The following SPAST variants were observed in gnomAD, a reference collection of about 807,000 sequenced individuals.
SPAST encodes spastic paraplegia 4 (autosomal dominant; spastin).
In SPAST, 30 loss-of-function variants were observed where a neutral mutation model predicts 76.6. That is an observed-to-expected ratio of 0.39 (90% confidence interval 0.29 to 0.53). The LOEUF is 0.53. Among genes scored for constraint, SPAST ranks in the 20% least tolerant of loss-of-function variants. The probability of loss-of-function intolerance (pLI) is 0.68; values close to 1 mark genes in which losing one functional copy is unlikely to be tolerated. For missense variants in SPAST, 717 were observed against 770.5 expected (o/e 0.93, Z 0.82); for synonymous variants, 305 against 281.0 (o/e 1.09, Z -0.86).
chr2:32,082,645 G>C (rs569687589), intron 1 of SPAST, among the ~76,000 whole-genome samples: 1 of 151,956 alleles, frequency 6.6e-6, no homozygotes, highest in South Asian at 2.1e-4. Flanking sequence ...CCAGGGAGCT[G>C]AGATCGTGCC....
chr2:32,073,696 C>T (rs1676841496), intron 1 of SPAST, among the ~76,000 whole-genome samples: 1 of 152,220 alleles, frequency 6.6e-6, no homozygotes, highest in Non-Finnish European at 1.5e-5. Flanking sequence ...GCTGACGTAG[C>T]CTTTTTTTCT....
intron 5 of SPAST, among the ~76,000 whole-genome samples, chr2:32,115,051 C>A (rs745511508): frequency 6.7e-6 from 1 of 149,616 alleles, no homozygotes; most frequent in Non-Finnish European, 1.5e-5. Context: ...CAGGTTCAAG[C>A]GATTCTCCTG....
chr2:32,128,663 ACTGTATTAGTTTACTGGG>A, intron 9 of SPAST, 184 bp downstream of exon 9: 1 of 603,746 alleles, frequency 1.7e-6, no homozygotes, highest in Non-Finnish European at 3.0e-6. Flanking sequence ...GTTGTCAAAT[ACTGTATTAGTTTACTGGG>A]GCCATGTAAT....
At chr2:32,118,600 G>A (rs4952248) in intron 7 of SPAST, among the ~76,000 whole-genome samples, 61,620 of 151,578 alleles carry the variant, frequency 0.41, 12,783 homozygotes, top group East Asian at 0.64. Flanking sequence ...TTACATAATT[G>A]TAGACCTGAA....
At chr2:32,093,198 C>T (rs1677789896) in intron 3 of SPAST, among the ~76,000 whole-genome samples, 1 of 149,754 alleles carries the variant, frequency 6.7e-6, no homozygotes, top group African/African-American at 2.5e-5. Context: ...GTAGTCCCAG[C>T]TACTTGGGAG....
At chr2:32,094,346 G>C (rs572637702) in intron 3 of SPAST, among the ~76,000 whole-genome samples, 2 of 152,182 alleles carry the variant, frequency 1.3e-5, no homozygotes, top group South Asian at 2.1e-4. Flanking sequence ...ATCCTCCTGA[G>C]TAGCTGGGAT....
At chr2:32,089,427 C>T (rs771728210) in intron 2 of SPAST, 95 bp from the exon 3 acceptor site, 24 of 729,046 alleles carry the variant, frequency 3.3e-5, no homozygotes, top group Non-Finnish European at 5.6e-5. Context: ...TGTATAAAGA[C>T]TGTGACTCCC....
chr2:32,063,735 T>A lies in SPAST; in HGVS notation c.-97T>A. ...CCTGAGACCGGCGGGCACACGGGGG[T>A]CTGTGGCCCCCGCCGTAGCAGTGGC... On this transcript the variant is annotated 5_prime_UTR_variant, in exon 1 of 17. Coordinates refer to ENST00000315285, the MANE Select transcript of SPAST (RefSeq NM_014946.4). 6.9e-7 allele frequency: 1 copy of A among 1,449,976 alleles called. No homozygotes were observed. The highest frequency in any genetic ancestry group is 9.2e-7 in the Non-Finnish European group (1 of 1,089,800). 89.8% of individuals were successfully genotyped at this position (1,449,976 alleles called of 1,614,324 possible).
intron 1 of SPAST, among the ~76,000 whole-genome samples, chr2:32,069,513 A>G (rs967051601): frequency 2.6e-5 from 4 of 151,506 alleles, no homozygotes; most frequent in African/African-American, 9.7e-5. Context: ...GGAGCTGGTA[A>G]TATCATGCAC....
chr2:32,108,259 A>G (rs762085336), intron 4 of SPAST, among the ~76,000 whole-genome samples: 1 of 152,204 alleles, frequency 6.6e-6, no homozygotes, highest in Non-Finnish European at 1.5e-5. Flanking sequence ...AAATTTACAG[A>G]CAACAGCCTC....
At chr2:32,101,064 T>C (rs1350907539) in intron 4 of SPAST, among the ~76,000 whole-genome samples, 2 of 152,224 alleles carry the variant, frequency 1.3e-5, no homozygotes. Flanking sequence ...TGAACTAGTT[T>C]ACGTTCCCAT....
intron 4 of SPAST, among the ~76,000 whole-genome samples, chr2:32,104,528 T>C (rs1678245794): frequency 6.6e-6 from 1 of 152,216 alleles, no homozygotes; most frequent in South Asian, 2.1e-4. Flanking sequence ...CGTTAGTTGA[T>C]GCAGTTTCTT....
chr2:32,099,363 G>A (rs886267175), intron 4 of SPAST, among the ~76,000 whole-genome samples: 3 of 152,072 alleles, frequency 2.0e-5, no homozygotes, highest in Non-Finnish European at 2.9e-5. Flanking sequence ...ACATAGTGAG[G>A]AGAAACATTA....
intron 1 of SPAST, among the ~76,000 whole-genome samples, chr2:32,079,673 C>T (rs546612359): frequency 4.4e-4 from 66 of 149,452 alleles, no homozygotes; most frequent in African/African-American, 1.5e-3. Flanking sequence ...GTCCTACCAC[C>T]TCAGCCTCCC....
chr2:32,081,269 T>C (rs1052636943), intron 1 of SPAST, among the ~76,000 whole-genome samples: 1 of 151,906 alleles, frequency 6.6e-6, no homozygotes, highest in Admixed American at 6.6e-5. Flanking sequence ...TTTTTGTGTG[T>C]GTTTTCAGTA....
chr2:32,101,040 T>A (rs933486825), intron 4 of SPAST, among the ~76,000 whole-genome samples: 1 of 152,200 alleles, frequency 6.6e-6, no homozygotes, highest in African/African-American at 2.4e-5. Context: ...CGCCACACTG[T>A]CTTCCACAAT....
Position 32,144,964 on chromosome 2 carries a change from C to T in SPAST, c.1644C>T (p.Asp548=), listed in dbSNP as rs781455476. The part of the protein sequence containing the change: ...ARMTDGYSGS[D]LTALAKDAAL... ...TGACTGATGGATACTCAGGAAGTGA[C>T]CTAACAGCTTTGGCAAAAGATGCAG... The change falls in exon 15 of 17, where the codon GAC becomes GAT. Residue 548 remains aspartate (D), a synonymous_variant. Transcript: ENST00000315285. 1.2e-5 allele frequency: 20 copies of T among 1,612,988 alleles called. No individual in the cohort carries two copies. In the Admixed American group the frequency reaches 2.2e-4, roughly 17 times the overall value.
chr2:32,134,937 C>G (rs1033467273), intron 9 of SPAST, among the ~76,000 whole-genome samples: 11 of 151,936 alleles, frequency 7.2e-5, no homozygotes, highest in Admixed American at 5.9e-4. Context: ...CTCAGGTGAT[C>G]CACCCACCTT....
chr2:32,137,171 TG>T lies in SPAST; in HGVS notation c.1477del (p.Asp493MetfsTer37). 6.2e-7 allele frequency: 1 copy of T among 1,613,134 alleles called. No homozygotes were observed. The highest frequency in any genetic ancestry group is 8.5e-7 in the Non-Finnish European group (1 of 1,179,112). ...GTGCAACTAATAGGCCACAAGAGCTTGATGAGGCTGTTCTCAGGTAGGGAGA... is the reference window on the plus strand; with the variant it reads ...GTGCAACTAATAGGCCACAAGAGCTTATGAGGCTGTTCTCAGGTAGGGAGA... ...MGATNRPQEL[D>X]EAVLRRFIKR... is the part of the protein sequence containing the mutation. On this transcript the variant is annotated frameshift_variant, in exon 12 of 17. Coordinates refer to ENST00000315285, the MANE Select transcript of SPAST (RefSeq NM_014946.4). LOFTEE classifies it high-confidence loss of function.
Sources: gnomAD v4.1 joint callset for allele counts (sites outside exome capture counted in the v4.1 genomes callset) on GRCh38, gnomAD v4.1.1 for gene constraint, MANE v1.5 for transcripts, NCBI Gene and HGNC (gene_info 2026-07-23, HGNC 2026-07-21) for gene names.